CXCL13: variants seen among roughly 807,000 people sequenced by gnomAD.
The protein encoded by CXCL13 is C-X-C motif chemokine ligand 13, also known as C-X-C motif chemokine 13.
In CXCL13, 7 loss-of-function variants were observed where a neutral mutation model predicts 12.2. The observed-to-expected ratio is 0.57, with a 90% CI of 0.33 to 1.07. CXCL13 has a LOEUF of 1.07. CXCL13 is among the 50% of genes least tolerant of loss of function. The pLI is 0.04. For missense variants in CXCL13, 113 were observed against 127.4 expected (o/e 0.89, Z 0.55); for synonymous variants, 47 against 42.4 (o/e 1.11, Z -0.42).
At chr4:77,527,402 C>T (rs957675335) in intron 1 of CXCL13, among the ~76,000 whole-genome samples, 4 of 151,968 alleles carry the variant, frequency 2.6e-5, no homozygotes, top group Non-Finnish European at 5.9e-5. Flanking sequence ...GAGGCTGAGG[C>T]GGGTGGATTA....
At chr4:77,601,644 C>T (rs1331098718), upstream of CXCL13, among the ~76,000 whole-genome samples, 5 of 152,232 alleles carry the variant, frequency 3.3e-5, no homozygotes, top group Admixed American at 1.3e-4. Flanking sequence ...ACAGCAGGAG[C>T]TTCACTTGCA....
intron 3 of CXCL13, 134 bp downstream of exon 3, chr4:77,610,828 T>C: frequency 1.1e-6 from 1 of 906,828 alleles, no homozygotes. Flanking sequence ...TCACTGTTAT[T>C]GCTTATCAGA....
chr4:77,601,618 T>G (rs1440408914), upstream of CXCL13, among the ~76,000 whole-genome samples: 1 of 152,234 alleles, frequency 6.6e-6, no homozygotes, highest in East Asian at 1.9e-4. Context: ...ACCTAAATGC[T>G]GTGACATTTT....
chr4:77,533,839 C>T (rs1475879444), intron 1 of CXCL13, among the ~76,000 whole-genome samples: 2 of 152,178 alleles, frequency 1.3e-5, no homozygotes, highest in Non-Finnish European at 2.9e-5. Context: ...GAGCCATGCA[C>T]GGGATATAAT....
chr4:77,514,858 G>A (rs1258212672), intron 1 of CXCL13, among the ~76,000 whole-genome samples: 1 of 152,152 alleles, frequency 6.6e-6, no homozygotes, highest in Non-Finnish European at 1.5e-5. Flanking sequence ...TGCTTTTGGT[G>A]TTTTAGACAT....
chr4:77,561,277 T>G (rs1725805524), intron 1 of CXCL13, among the ~76,000 whole-genome samples: 1 of 152,218 alleles, frequency 6.6e-6, no homozygotes, highest in South Asian at 2.1e-4. Context: ...CCCACCCAGA[T>G]ATGCAGGATC....
chr4:77,551,115 C>A (rs779443730), intron 1 of CXCL13, among the ~76,000 whole-genome samples: 24 of 152,132 alleles, frequency 1.6e-4, no homozygotes, highest in Non-Finnish European at 2.5e-4. Flanking sequence ...GGCATTTAGA[C>A]CATTTACATT....
At chr4:77,520,072 A>G (rs930746548) in intron 1 of CXCL13, among the ~76,000 whole-genome samples, 1 of 152,152 alleles carries the variant, frequency 6.6e-6, no homozygotes, top group Non-Finnish European at 1.5e-5. Flanking sequence ...CCATTGGTCT[A>G]TATCTCTGTT....
At chr4:77,519,532 G>A (rs973359789) in intron 1 of CXCL13, among the ~76,000 whole-genome samples, 2 of 152,130 alleles carry the variant, frequency 1.3e-5, no homozygotes, top group African/African-American at 4.8e-5. Context: ...AGAAGTGTCT[G>A]TTCATATCCT....
chr4:77,570,441 G>A (rs912477437), intron 1 of CXCL13, among the ~76,000 whole-genome samples: 3 of 152,186 alleles, frequency 2.0e-5, no homozygotes, highest in Non-Finnish European at 2.9e-5. Context: ...ACTAAAAAGT[G>A]GGCAAAGGGC....
At chr4:77,540,736 C>A (rs1000981989) in intron 1 of CXCL13, among the ~76,000 whole-genome samples, 2 of 152,102 alleles carry the variant, frequency 1.3e-5, no homozygotes, top group Non-Finnish European at 2.9e-5. Flanking sequence ...CATGCAAGTG[C>A]GTGTGGTTTT....
At chr4:77,534,065 C>T (rs942426382) in intron 1 of CXCL13, among the ~76,000 whole-genome samples, 1 of 152,210 alleles carries the variant, frequency 6.6e-6, no homozygotes, top group Non-Finnish European at 1.5e-5. Context: ...CGACACTCCC[C>T]AGTGAGATGA....
rs145292168 is a variant in CXCL13, at chr4:77,564,105, G to A, written c.-42-41719G>A. ...ACCAGATCCTGGAAATTATGAACCC[G>A]GTCCCATTTGTATTAATTAAAAACT... On this transcript the variant is annotated intron_variant, in intron 1 of 4. Transcript: ENST00000286758. Among the ~76,000 whole-genome samples the A allele has an allele frequency of 1.9e-3, 284 of 152,128 alleles. 1 individual carries two copies. Among genetic ancestry groups the A allele is most frequent in the African/African-American group, 6.2e-3 (257 of 41,492 alleles).
intron 1 of CXCL13, among the ~76,000 whole-genome samples, chr4:77,513,417 A>G (rs1043910006): frequency 1.3e-5 from 2 of 149,974 alleles, no homozygotes; most frequent in Admixed American, 6.6e-5. Context: ...AAGCATTCCT[A>G]TTTCTCCACA....
chr4:77,544,557 T>C (rs1035061758), intron 1 of CXCL13, among the ~76,000 whole-genome samples: 2 of 152,246 alleles, frequency 1.3e-5, no homozygotes, highest in Non-Finnish European at 1.5e-5. Flanking sequence ...CTGAGAAGTG[T>C]CTGTTCATAT....
At chr4:77,539,890 G>T (rs570173800) in intron 1 of CXCL13, among the ~76,000 whole-genome samples, 4 of 152,240 alleles carry the variant, frequency 2.6e-5, no homozygotes, top group South Asian at 2.1e-4. Flanking sequence ...ATCCTGCTCA[G>T]CTCCTATCTG....
chr4:77,611,149 T>G lies in CXCL13; in HGVS notation c.*110T>G. 1 of 911,386 alleles carries G rather than the reference T, an allele frequency of 1.1e-6. No individual in the cohort carries two copies. Among genetic ancestry groups the G allele is most frequent in the South Asian group, 1.6e-5 (1 of 64,212 alleles). 56.5% of individuals were successfully genotyped at this position (911,386 alleles called of 1,614,324 possible). On this transcript the variant is annotated 3_prime_UTR_variant, in exon 4 of 4. Transcript: ENST00000682537. The stretch of plus-strand genomic sequence containing the variant: ...AGGAAAAAGAACTTCCCCATACAAA[T>G]AAGCATGAGACTATGTAAAAATAAC...
intron 1 of CXCL13, among the ~76,000 whole-genome samples, chr4:77,512,417 G>T (rs12108424): frequency 0.02 from 2,986 of 152,242 alleles, 100 homozygotes; most frequent in African/African-American, 0.069. Context: ...TACTGAGTGG[G>T]TTGAATAATA....
intron 1 of CXCL13, among the ~76,000 whole-genome samples, chr4:77,533,619 C>T (rs976202408): frequency 6.6e-6 from 1 of 152,150 alleles, no homozygotes; most frequent in African/African-American, 2.4e-5. Context: ...TTGGCTGTGC[C>T]CTGCCCCCAG....
Sources: allele counts gnomAD v4.1 joint callset (sites outside exome capture counted in the v4.1 genomes callset), GRCh38; gene constraint gnomAD v4.1.1; transcripts MANE v1.5; gene names NCBI Gene and HGNC (gene_info 2026-07-23, HGNC 2026-07-21).